Variants in TBL1X observed in about 807,000 individuals in gnomAD.
TBL1X encodes the protein F-box-like/WD repeat-containing protein TBL1X.
Under a neutral mutation model 50.7 loss-of-function variants are expected in TBL1X, and 10 were observed. The ratio of observed to expected loss-of-function variants is 0.20; its 90% CI spans 0.12 to 0.33. TBL1X has a LOEUF of 0.33. Ranked by LOEUF, TBL1X falls within the 10% of genes least tolerant of loss-of-function variation. The pLI is 1.00. For missense variants in TBL1X, 340 were observed against 504.4 expected (o/e 0.67, Z 3.12); for synonymous variants, 190 against 214.7 (o/e 0.88, Z 1.01).
At chrX:9,709,054 G>A (rs2083227954) in intron 13 of TBL1X, among the ~76,000 whole-genome samples, 194 bp from the exon 14 acceptor site, 1 of 111,476 alleles carries the variant, frequency 9.0e-6, no homozygotes, top group Non-Finnish European at 1.9e-5. Flanking sequence ...TAGGGCTGTG[G>A]TTTTATATAA....
intron 12 of TBL1X, among the ~76,000 whole-genome samples, chrX:9,699,611 C>T (rs183541498): frequency 8.9e-6 from 1 of 111,801 alleles, no homozygotes; most frequent in African/African-American, 3.2e-5. Context: ...CCATCGGCGC[C>T]TGGGGAGGGC....
intron 2 of TBL1X, among the ~76,000 whole-genome samples, chrX:9,548,122 A>G (rs1051504584): frequency 2.7e-5 from 3 of 109,620 alleles, no homozygotes; most frequent in African/African-American, 1.0e-4. Context: ...TGTACAGACA[A>G]TATACAAAAG....
At chrX:9,682,577 G>T (rs140162233) in intron 5 of TBL1X, among the ~76,000 whole-genome samples, 1,266 of 111,953 alleles carry the variant, frequency 0.011, 8 homozygotes, top group Admixed American at 0.018. Flanking sequence ...AGAGCACAGC[G>T]CAGAGCTCGT....
At chrX:9,694,648 C>T (rs908281979) in intron 11 of TBL1X, among the ~76,000 whole-genome samples, 6 of 111,412 alleles carry the variant, frequency 5.4e-5, no homozygotes, top group African/African-American at 1.6e-4. Context: ...TGAGTCAGAG[C>T]TCTCTGTTCT....
chrX:9,478,853 C>T (rs749702823), intron 1 of TBL1X, among the ~76,000 whole-genome samples: 4 of 112,521 alleles, frequency 3.6e-5, no homozygotes, highest in South Asian at 7.3e-4. Context: ...ATACCTCCTG[C>T]GTTCATGGTT....
chrX:9,509,566 G>A (rs1216052803), intron 2 of TBL1X, among the ~76,000 whole-genome samples: 1 of 98,540 alleles, frequency 1.0e-5, no homozygotes, highest in Non-Finnish European at 2.0e-5. Context: ...GCTCACTGGA[G>A]CCTTGATCTC....
rs1288795537 is a variant in TBL1X, at chrX:9,690,487, C to T, written c.617-1092C>T. 1.3e-4 allele frequency among the ~76,000 whole-genome samples: 15 copies of T among 111,389 alleles called. No homozygotes were observed. The Admixed American group carries it at 1.4e-3, about 11-fold the overall frequency. ...CCTCTTCTCATAAGGACACCAGTCC[C>T]ACTGGGTTAGGGCCCACCCTTGTGA... On this transcript the variant is annotated intron_variant, in intron 7 of 17. Transcript: ENST00000645353.
chrX:9,701,501 CA>C (rs2146648462), intron 12 of TBL1X, among the ~76,000 whole-genome samples: 1 of 98,133 alleles, frequency 1.0e-5, no homozygotes, highest in Non-Finnish European at 2.0e-5. Flanking sequence ...TTCCCTGGGC[CA>C]CATTGAAAGA....
chrX:9,710,166 G>A lies in TBL1X; in HGVS notation c.1439+406G>A, dbSNP rs1449276946. Among the ~76,000 whole-genome samples the A allele has an allele frequency of 7.6e-5, 8 of 104,850 alleles. No individual in the cohort carries two copies. The Admixed American group carries it at 8.2e-4, about 11-fold the overall frequency. The allele number at this position is 104,850 out of a possible 115,157, so 91.0% of individuals were successfully genotyped here. A position where few individuals can be genotyped will look rare whatever the true frequency, so the allele number is the denominator to read the frequency against. On this transcript the variant is annotated intron_variant, in intron 15 of 17. Transcript: ENST00000645353. The stretch of plus-strand genomic sequence containing the variant: ...CAGGAGATTGAGGCTGCAGTGCGCG[G>A]TGATCACACCACTGCACTCCAGCCT...
intron 2 of TBL1X, among the ~76,000 whole-genome samples, chrX:9,632,826 T>A (rs1329150785): frequency 1.8e-5 from 2 of 111,955 alleles, no homozygotes; most frequent in Non-Finnish European, 3.8e-5. Flanking sequence ...TCAGTAACAA[T>A]TGCCTGTGTA....
intron 17 of TBL1X, among the ~76,000 whole-genome samples, 177 bp downstream of exon 17, chrX:9,715,180 G>A (rs1047871345): frequency 8.9e-6 from 1 of 111,901 alleles, no homozygotes; most frequent in African/African-American, 3.2e-5. Flanking sequence ...CCTTCTCCTT[G>A]TCCCTTCCAG....
chrX:9,681,567 G>A (rs943132930), intron 5 of TBL1X, among the ~76,000 whole-genome samples: 1 of 112,553 alleles, frequency 8.9e-6, no homozygotes, highest in African/African-American at 3.2e-5. Flanking sequence ...GTGACTGCAA[G>A]TACCAGTTCT....
intron 13 of TBL1X, 115 bp from the exon 14 acceptor site, chrX:9,709,133 C>T: frequency 1.5e-6 from 1 of 688,117 alleles, no homozygotes; most frequent in Non-Finnish European, 2.2e-6. Context: ...TGATGTCAGG[C>T]TGAAGCCGAA....
chrX:9,509,133 A>G (rs1423982391), intron 2 of TBL1X, among the ~76,000 whole-genome samples: 3 of 107,967 alleles, frequency 2.8e-5, no homozygotes, highest in African/African-American at 1.0e-4. Context: ...CACACCTGTA[A>G]TCCCAGCACT....
At chrX:9,714,791 T>G (rs1478483640) in intron 16 of TBL1X, 111 bp from the exon 17 acceptor site, 1 of 763,324 alleles carries the variant, frequency 1.3e-6, no homozygotes, top group Non-Finnish European at 1.9e-6. Flanking sequence ...AATTTCACCA[T>G]GCTTGAAAAT....
At chrX:9,469,300 T>C (rs2081797578) in intron 1 of TBL1X, among the ~76,000 whole-genome samples, 1 of 111,449 alleles carries the variant, frequency 9.0e-6, no homozygotes, top group African/African-American at 3.3e-5. Flanking sequence ...GTAGCTGGGA[T>C]TACAGGCATG....
At chrX:9,464,794 G>A (rs768810682), upstream of TBL1X, among the ~76,000 whole-genome samples, 16 of 111,389 alleles carry the variant, frequency 1.4e-4, no homozygotes, top group African/African-American at 4.9e-4. Context: ...CCCTAGGCGT[G>A]GGGGAGCGGG....
At chrX:9,604,409 T>A (rs72612806) in intron 2 of TBL1X, among the ~76,000 whole-genome samples, 24 of 97,427 alleles carry the variant, frequency 2.5e-4, no homozygotes, top group African/African-American at 9.1e-4. Context: ...TTTCCCCCCC[T>A]TTTTTTTTTG....
chrX:9,705,863 A>G (rs986279878), intron 13 of TBL1X, among the ~76,000 whole-genome samples: 4 of 111,155 alleles, frequency 3.6e-5, no homozygotes, highest in African/African-American at 1.3e-4. Context: ...TGGGTAATTG[A>G]TAAGACAGGA....
Sources: gnomAD v4.1 joint callset for allele counts (sites outside exome capture counted in the v4.1 genomes callset) on GRCh38, gnomAD v4.1.1 for gene constraint, MANE v1.5 for transcripts, NCBI Gene and HGNC (gene_info 2026-07-23, HGNC 2026-07-21) for gene names.